Variants in CTNNA1 observed in about 807,000 individuals in gnomAD.
The protein encoded by CTNNA1 is catenin alpha 1.
CTNNA1 carries 37 observed loss-of-function variants against 98.4 expected under a neutral mutation model. The ratio of observed to expected loss-of-function variants is 0.38; its 90% CI spans 0.29 to 0.49. The LOEUF is 0.49. Ranked by LOEUF, CTNNA1 falls within the 20% of genes least tolerant of loss-of-function variation. The pLI is 0.95. For missense variants in CTNNA1, 761 were observed against 1,147.2 expected (o/e 0.66, Z 4.86); for synonymous variants, 404 against 413.2 (o/e 0.98, Z 0.27).
intron 7 of CTNNA1, among the ~76,000 whole-genome samples, chr5:138,877,894 A>G (rs1044072313): frequency 2.6e-5 from 4 of 152,206 alleles, no homozygotes; most frequent in Non-Finnish European, 5.9e-5. Context: ...CTTGGGGAGA[A>G]AAGCATTTTA....
At position 138,904,262 on chromosome 5, in the gene CTNNA1, G is replaced by C. The variant is rs887375190; in HGVS notation, c.1297-87G>C. The stretch of plus-strand genomic sequence containing the variant: ...CTTGGTGCCCTTGTCATCTGTTCCA[G>C]AATGGTCAGAGGTAGGGCCAGGTGT... On this transcript the variant is annotated intron_variant, in intron 9 of 17. Transcript: ENST00000302763. 4.1e-6 allele frequency: 6 copies of C among 1,463,562 alleles called. No individual in the cohort carries two copies. The African/African-American group carries it at 7.1e-5, about 17-fold the overall frequency. 90.7% of individuals were successfully genotyped at this position (1,463,562 alleles called of 1,614,324 possible).
At chr5:138,886,691 C>A (rs1460590360) in intron 8 of CTNNA1, among the ~76,000 whole-genome samples, 1 of 152,066 alleles carries the variant, frequency 6.6e-6, no homozygotes, top group African/African-American at 2.4e-5. Context: ...TCCCTTAGAT[C>A]CATGGTGAAA....
At position 138,808,329 on chromosome 5, in the gene CTNNA1, G is replaced by T. The variant is rs1046678039; in HGVS notation, c.302-1709G>T. ...ATGTGCGATGGGTGCTCAAACATTTGTTGAACAAATAAAAGAATGAATGAT... is the reference window on the plus strand; with the variant it reads ...ATGTGCGATGGGTGCTCAAACATTTTTTGAACAAATAAAAGAATGAATGAT... On this transcript the variant is annotated intron_variant, in intron 3 of 17. Transcript: ENST00000302763. 2.6e-5 allele frequency among the ~76,000 whole-genome samples: 4 copies of T among 152,216 alleles called. No individual in the cohort carries two copies. In the East Asian group the frequency reaches 7.7e-4, roughly 29 times the overall value.
intron 7 of CTNNA1, among the ~76,000 whole-genome samples, chr5:138,845,012 T>A (rs1243319384): frequency 6.6e-6 from 1 of 152,176 alleles, no homozygotes; most frequent in Non-Finnish European, 1.5e-5. Context: ...ATGTTTGTTT[T>A]TCTCCCTTTA....
chr5:138,853,408 T>C (rs1304280288), intron 7 of CTNNA1, among the ~76,000 whole-genome samples: 1 of 152,200 alleles, frequency 6.6e-6, no homozygotes, highest in African/African-American at 2.4e-5. Flanking sequence ...CCGGAGCTCT[T>C]GGTATATTAT....
intron 10 of CTNNA1, among the ~76,000 whole-genome samples, chr5:138,909,202 T>C (rs897080254): frequency 6.6e-6 from 1 of 152,172 alleles, no homozygotes; most frequent in African/African-American, 2.4e-5. Flanking sequence ...AGAATGAGCA[T>C]TACACATTCG....
intron 7 of CTNNA1, among the ~76,000 whole-genome samples, chr5:138,830,601 C>G (rs1282741274): frequency 1.7e-4 from 26 of 152,170 alleles, no homozygotes; most frequent in Admixed American, 1.7e-3. Context: ...GAAGCAGAAG[C>G]AACTGGGGAT....
At chr5:138,821,754 A>G (rs1035960094) in intron 5 of CTNNA1, among the ~76,000 whole-genome samples, 1 of 152,190 alleles carries the variant, frequency 6.6e-6, no homozygotes, top group Non-Finnish European at 1.5e-5. Flanking sequence ...TGCTTGAACC[A>G]TCACTGGGTT....
intron 6 of CTNNA1, among the ~76,000 whole-genome samples, chr5:138,825,550 A>G (rs905002659): frequency 2.0e-5 from 3 of 148,740 alleles, no homozygotes; most frequent in Non-Finnish European, 4.4e-5. Flanking sequence ...AAAACAAACC[A>G]AAAAACAGAA....
At chr5:138,805,823 T>C (rs1238480192) in intron 3 of CTNNA1, among the ~76,000 whole-genome samples, 1 of 151,610 alleles carries the variant, frequency 6.6e-6, no homozygotes, top group African/African-American at 2.4e-5. Flanking sequence ...TTTGCAGAAA[T>C]TTCCTTTCAT....
intron 7 of CTNNA1, among the ~76,000 whole-genome samples, chr5:138,879,193 A>AAAG (rs1167002463): frequency 6.6e-6 from 1 of 151,348 alleles, no homozygotes; most frequent in African/African-American, 2.4e-5. Context: ...AAAAAAAAAA[A>AAAG]AAAGCCATTT....
chr5:138,855,912 C>T (rs143755207), intron 7 of CTNNA1, among the ~76,000 whole-genome samples: 17 of 152,182 alleles, frequency 1.1e-4, no homozygotes, highest in Admixed American at 1.1e-3. Context: ...CTTTGAAGAG[C>T]TCTTATTATT....
At chr5:138,755,256 G>T (rs1168571266) in intron 1 of CTNNA1, 1 of 152,120 alleles carries the variant, frequency 6.6e-6, no homozygotes, top group African/African-American at 2.4e-5. Flanking sequence ...CACGGAGAGG[G>T]GGCTAATAAG....
intron 10 of CTNNA1, among the ~76,000 whole-genome samples, chr5:138,904,980 G>A (rs1227415416): frequency 6.6e-6 from 1 of 151,304 alleles, no homozygotes; most frequent in East Asian, 1.9e-4. Flanking sequence ...TGTAGTGCCA[G>A]CTACTCGGGA....
At chr5:138,826,795 G>A (rs754821625) in intron 6 of CTNNA1, among the ~76,000 whole-genome samples, 26 of 152,134 alleles carry the variant, frequency 1.7e-4, no homozygotes, top group African/African-American at 4.3e-4. Flanking sequence ...GTATGTGTGC[G>A]CACACGTGTA....
intron 6 of CTNNA1, among the ~76,000 whole-genome samples, chr5:138,825,537 A>G (rs1760623134): frequency 3.1e-5 from 4 of 128,584 alleles, no homozygotes; most frequent in South Asian, 5.3e-4. Flanking sequence ...ATTAAAAAAA[A>G]AAAAAACAAA....
chr5:138,899,690 C>A (rs1421175340), intron 9 of CTNNA1, among the ~76,000 whole-genome samples: 1 of 152,162 alleles, frequency 6.6e-6, no homozygotes. Flanking sequence ...TGCAAAACCC[C>A]CCACCACCCA....
Position 138,873,298 on chromosome 5 carries a change from C to G in CTNNA1, c.1063-12914C>G. 1 of 1,614,030 alleles carries G rather than the reference C, an allele frequency of 6.2e-7. No homozygotes were observed. Among genetic ancestry groups the G allele is most frequent in the Non-Finnish European group, 8.5e-7 (1 of 1,179,896 alleles). On this transcript the variant is annotated intron_variant, in intron 7 of 17. Transcript: ENST00000302763. This position sits in a 1 kb window ranked among gnomAD's most constrained non-coding sequence, Gnocchi z 6.1. ...AAGCCATTGTTCCCGTAATTACCCG[C>G]TGAGTGAAGATGGCATTGTCTGGTT...
chr5:138,839,144 A>AT (rs1762054849), intron 7 of CTNNA1, among the ~76,000 whole-genome samples: 1 of 152,132 alleles, frequency 6.6e-6, no homozygotes, highest in Non-Finnish European at 1.5e-5. Flanking sequence ...AAATTTGTTA[A>AT]TTGAGCCTTG....
Sources: gnomAD v4.1 joint callset for allele counts (sites outside exome capture counted in the v4.1 genomes callset) on GRCh38, gnomAD v4.1.1 for gene constraint, Gnocchi (gnomAD v3.1) non-coding constraint, MANE v1.5 for transcripts, NCBI Gene and HGNC (gene_info 2026-07-23, HGNC 2026-07-21) for gene names.